The following MCEMP1 variants were observed in gnomAD, a reference collection of about 807,000 sequenced individuals.
MCEMP1 encodes the protein mast cell expressed membrane protein 1.
Under a neutral mutation model 27.9 loss-of-function variants are expected in MCEMP1, and 17 were observed. The ratio of observed to expected loss-of-function variants is 0.61; its 90% confidence interval spans 0.42 to 0.91. The LOEUF (loss-of-function observed/expected upper bound fraction) is 0.91, where lower values mean the gene tolerates loss of function less well. MCEMP1 is among the 40% of genes least tolerant of loss of function. MCEMP1 has a pLI of 0.00. For missense variants in MCEMP1, 200 were observed against 204.8 expected, an observed-to-expected ratio of 0.98 and a Z score of 0.14; for synonymous variants, 88 against 76.9, an observed-to-expected ratio of 1.14 and a Z score of -0.76.
chr19:7,678,353 C>T lies in MCEMP1; in HGVS notation c.287C>T (p.Ala96Val), dbSNP rs1362724914. 6.2e-7 allele frequency: 1 copy of T among 1,613,944 alleles called. No individual in the cohort carries two copies. ...TTTTCCTGCCCCTCCTGAACAGATGCTGAGATGTCCAAGGAGCTGCTGGGC... is the reference window on the plus strand; with the variant it reads ...TTTTCCTGCCCCTCCTGAACAGATGTTGAGATGTCCAAGGAGCTGCTGGGC... ...ILSAFIMVKN[A>V]EMSKELLGFK... is the part of the protein sequence containing the mutation. The change falls in exon 4 of 7, where the codon GCT becomes GTT. Residue 96 changes from alanine (A) to valine (V), a missense_variant. Physicochemically the swap from Ala to Val is moderately conservative, Grantham distance 64. Transcript: ENST00000333598. The surrounding 1 kb of genome is among the most constrained non-coding windows in gnomAD (Gnocchi z 4.8).
At position 7,679,129 on chromosome 19, in the gene MCEMP1, T is replaced by C. The variant is rs2032590558; in HGVS notation, c.*15T>C. On this transcript the variant is annotated 3_prime_UTR_variant, in exon 7 of 7. Transcript: ENST00000333598. This position sits in a 1 kb window ranked among gnomAD's most constrained non-coding sequence, Gnocchi z 4.9. The stretch of plus-strand genomic sequence containing the variant: ...CACCTCAATAAATGAGAGGACATTG[T>C]GGCAGCCAAAGCCACAACTTGGAAG... The C allele has an allele frequency of 6.3e-7, 1 of 1,589,460 alleles. No individual in the cohort carries two copies. The highest frequency in any genetic ancestry group is 1.1e-5 in the South Asian group (1 of 88,250).
chr19:7,679,224 C>T lies in MCEMP1; in HGVS notation c.*110C>T. On this transcript the variant is annotated 3_prime_UTR_variant, in exon 7 of 7. Transcript: ENST00000333598. This position sits in a 1 kb window ranked among gnomAD's most constrained non-coding sequence, Gnocchi z 4.9. Reference sequence around the variant, plus strand: ...CCCAGCCTAGTGTGAACCTGCCCCTCGTCCCACGTATAGAAAAACCTCGAG... The same window carrying T: ...CCCAGCCTAGTGTGAACCTGCCCCTTGTCCCACGTATAGAAAAACCTCGAG... 13 of 1,256,532 alleles carry T rather than the reference C, an allele frequency of 1.0e-5. No individual in the cohort carries two copies. Among genetic ancestry groups the T allele is most frequent in the South Asian group, 3.1e-5 (2 of 64,524 alleles). 77.8% of individuals were successfully genotyped at this position (1,256,532 alleles called of 1,614,324 possible).
chr19:7,678,985 T>A lies in MCEMP1; in HGVS notation c.508+2T>A. The A allele has an allele frequency of 6.3e-7, 1 of 1,591,168 alleles. No homozygotes were observed. Among genetic ancestry groups the A allele is most frequent in the Non-Finnish European group, 8.6e-7 (1 of 1,167,724 alleles). On this transcript the variant is annotated splice_donor_variant, in intron 6 of 6. Coordinates refer to ENST00000333598, the MANE Select transcript of MCEMP1 (RefSeq NM_174918.3). LOFTEE classifies it high-confidence loss of function. This position sits in a 1 kb window ranked among gnomAD's most constrained non-coding sequence, Gnocchi z 4.8. ...TGGAGGTGCTGCAGAAAATGCCACG[T>A]AAGTTGGCGCCCCGACAGGAGGTGG...
rs1037242495 is a variant in MCEMP1 at position 7,679,201 on chromosome 19, C to G, written c.*87C>G. 55 of 1,014,068 alleles carry G rather than the reference C, an allele frequency of 5.4e-5. No homozygotes were observed. Among genetic ancestry groups the G allele is most frequent in the African/African-American group, 7.9e-5 (4 of 50,580 alleles). The allele number at this position is 1,014,068 out of a possible 1,614,324, so 62.8% of individuals were successfully genotyped here. A position where few individuals can be genotyped will look rare whatever the true frequency, so the allele number is the denominator to read the frequency against. On this transcript the variant is annotated 3_prime_UTR_variant, in exon 7 of 7. Coordinates refer to ENST00000333598, the MANE Select transcript of MCEMP1 (RefSeq NM_174918.3). The surrounding 1 kb of genome is among the most constrained non-coding windows in gnomAD (Gnocchi z 4.9). ...AAGACGGGAAATGACCCCCCCCCCCCAGCCTAGTGTGAACCTGCCCCTCGT... is the reference window on the plus strand; with the variant it reads ...AAGACGGGAAATGACCCCCCCCCCCGAGCCTAGTGTGAACCTGCCCCTCGT...
In MCEMP1 at chr19:7,679,069, C is replaced by G; in HGVS notation, c.509-29C>G. ...GCTCCTCTCCCAGGGGCGGGATCTG[C>G]CTCACTGTGGGTCTCTCCCCATCCC... On this transcript the variant is annotated intron_variant, in intron 6 of 6. Coordinates refer to ENST00000333598, the MANE Select transcript of MCEMP1 (RefSeq NM_174918.3). This position sits in a 1 kb window ranked among gnomAD's most constrained non-coding sequence, Gnocchi z 4.9. 6.2e-7 allele frequency: 1 copy of G among 1,608,032 alleles called. No individual in the cohort carries two copies. Among genetic ancestry groups the G allele is most frequent in the East Asian group, 2.2e-5 (1 of 44,868 alleles).
At position 7,677,905 on chromosome 19, in the gene MCEMP1, G is replaced by A. The variant is rs1341704129; in HGVS notation, c.145+179G>A. On this transcript the variant is annotated intron_variant, in intron 2 of 6. Transcript: ENST00000333598. This position sits in a 1 kb window ranked among gnomAD's most constrained non-coding sequence, Gnocchi z 4.6. ...GACAATGTTGGGGAATGCTGGAGAGGGGGTCTGTGATGGTGACGGTGTTAG... is the reference window on the plus strand; with the variant it reads ...GACAATGTTGGGGAATGCTGGAGAGAGGGTCTGTGATGGTGACGGTGTTAG... The A allele has an allele frequency of 7.7e-6, 8 of 1,043,138 alleles. No individual in the cohort carries two copies. Among genetic ancestry groups the A allele is most frequent in the Non-Finnish European group, 1.1e-5 (8 of 706,672 alleles). The allele number at this position is 1,043,138 out of a possible 1,614,324, so 64.6% of individuals were successfully genotyped here.
chr19:7,677,647 C>T lies in MCEMP1; in HGVS notation c.66C>T (p.Asp22=). The change falls in exon 2 of 7, where the codon GAC becomes GAT. Residue 22 remains aspartate (D), a synonymous_variant. Transcript: ENST00000333598. The surrounding 1 kb of genome is among the most constrained non-coding windows in gnomAD (Gnocchi z 4.6). ...GVSAKNQGAH[D]PDYENITLAF... is the part of the protein sequence containing the mutation. Reference sequence around the variant, plus strand: ...TCCAACCCCTCCCAGGTGCCCATGACCCAGACTATGAGAATATCACCTTGG... The same window carrying T: ...TCCAACCCCTCCCAGGTGCCCATGATCCAGACTATGAGAATATCACCTTGG... The T allele has an allele frequency of 6.2e-7, 1 of 1,613,972 alleles. No homozygotes were observed.
rs189829428 is a variant in MCEMP1, at chr19:7,677,447, G to A, written c.56-190G>A. 2.8e-5 allele frequency among the ~76,000 whole-genome samples: 4 copies of A among 142,478 alleles called. No homozygotes were observed. Among genetic ancestry groups the A allele is most frequent in the Non-Finnish European group, 6.2e-5 (4 of 64,678 alleles). 93.5% of individuals were successfully genotyped at this position (142,478 alleles called of 152,430 possible). On this transcript the variant is annotated intron_variant, in intron 1 of 6. Coordinates refer to ENST00000333598, the MANE Select transcript of MCEMP1 (RefSeq NM_174918.3). This position sits in a 1 kb window ranked among gnomAD's most constrained non-coding sequence, Gnocchi z 4.6. ...CTCCAAGATGTGTGGATGTGTGTGT[G>A]GATGTGTGTGTGGTGTGATCACTCA... is the stretch of plus-strand genomic sequence containing the variant.
In MCEMP1 at chr19:7,678,468, A is replaced by G; in HGVS notation, c.335-23A>G. 6.2e-7 allele frequency: 1 copy of G among 1,613,128 alleles called. No homozygotes were observed. Among genetic ancestry groups the G allele is most frequent in the Non-Finnish European group, 8.5e-7 (1 of 1,179,174 alleles). Reference sequence around the variant, plus strand: ...GGTCTGGAGAGGGATGGATGCACAGACACCCCTGTTTCATGCCCTCAGTCT... The same window carrying G: ...GGTCTGGAGAGGGATGGATGCACAGGCACCCCTGTTTCATGCCCTCAGTCT... On this transcript the variant is annotated intron_variant, in intron 4 of 6. Coordinates refer to ENST00000333598, the MANE Select transcript of MCEMP1 (RefSeq NM_174918.3). The surrounding 1 kb of genome is among the most constrained non-coding windows in gnomAD (Gnocchi z 4.8).
At position 7,679,312 on chromosome 19, in the gene MCEMP1, G is replaced by T. The variant is rs565627471; in HGVS notation, c.*198G>T. 1.9e-5 allele frequency: 12 copies of T among 645,556 alleles called. No homozygotes were observed. The highest frequency in any genetic ancestry group is 3.2e-5 in the Admixed American group (1 of 31,604). The allele number at this position is 645,556 out of a possible 1,614,324, so 40.0% of individuals were successfully genotyped here. On this transcript the variant is annotated 3_prime_UTR_variant, in exon 7 of 7. Coordinates refer to ENST00000333598, the MANE Select transcript of MCEMP1 (RefSeq NM_174918.3). The surrounding 1 kb of genome is among the most constrained non-coding windows in gnomAD (Gnocchi z 4.9). The stretch of plus-strand genomic sequence containing the variant: ...TGTACACCTGCGTGCGTGTGTGTGC[G>T]TGTGTGCGCGTGTGTTCGTGTATGT...
At position 7,677,283 on chromosome 19, in the gene MCEMP1, G is replaced by A; in HGVS notation, c.55+108G>A. ...GCACTTTGGGAGGCTGAGGCGGGAGGATTGCGTGAGCCCTGGAGGTGGAGA... is the reference window on the plus strand; with the variant it reads ...GCACTTTGGGAGGCTGAGGCGGGAGAATTGCGTGAGCCCTGGAGGTGGAGA... On this transcript the variant is annotated intron_variant, in intron 1 of 6. Transcript: ENST00000333598. The surrounding 1 kb of genome is among the most constrained non-coding windows in gnomAD (Gnocchi z 4.6). The A allele has an allele frequency of 1.0e-6, 1 of 974,766 alleles. No homozygotes were observed. Among genetic ancestry groups the A allele is most frequent in the Non-Finnish European group, 1.6e-6 (1 of 638,502 alleles). The allele number at this position is 974,766 out of a possible 1,614,324, so 60.4% of individuals were successfully genotyped here.
Position 7,678,333 on chromosome 19 carries a change from C to G in MCEMP1, c.284-17C>G. On this transcript the variant is annotated splice_polypyrimidine_tract_variant and intron_variant, in intron 3 of 6. Coordinates refer to ENST00000333598, the MANE Select transcript of MCEMP1 (RefSeq NM_174918.3). The surrounding 1 kb of genome is among the most constrained non-coding windows in gnomAD (Gnocchi z 4.8). ...CTCCCTGGGTGCTTCAAGGATTTTC[C>G]TGCCCCTCCTGAACAGATGCTGAGA... 6.2e-7 allele frequency: 1 copy of G among 1,614,016 alleles called. No individual in the cohort carries two copies. Among genetic ancestry groups the G allele is most frequent in the Non-Finnish European group, 8.5e-7 (1 of 1,180,002 alleles).
chr19:7,678,992 GCGCCCCGA>G lies in MCEMP1; in HGVS notation c.508+11_508+18del, dbSNP rs1568481325. 1.3e-6 allele frequency: 2 copies of G among 1,599,468 alleles called. No individual in the cohort carries two copies. The highest frequency in any genetic ancestry group is 3.4e-5 in the Admixed American group (2 of 57,984). The stretch of plus-strand genomic sequence containing the variant: ...GCTGCAGAAAATGCCACGTAAGTTG[GCGCCCCGA>G]CAGGAGGTGGAGGAGGGTGGGTGGG... On this transcript the variant is annotated intron_variant, in intron 6 of 6. Coordinates refer to ENST00000333598, the MANE Select transcript of MCEMP1 (RefSeq NM_174918.3). The surrounding 1 kb of genome is among the most constrained non-coding windows in gnomAD (Gnocchi z 4.8).
chr19:7,679,280 G>A lies in MCEMP1; in HGVS notation c.*166G>A, dbSNP rs2032594605. 4 of 852,590 alleles carry A rather than the reference G, an allele frequency of 4.7e-6. No homozygotes were observed. Among genetic ancestry groups the A allele is most frequent in the Non-Finnish European group, 7.2e-6 (4 of 555,776 alleles). The allele number at this position is 852,590 out of a possible 1,614,324, so 52.8% of individuals were successfully genotyped here. ...GTGAATGAGTGTCTCGGAGTTGCTCGTGTGTGTGTACACCTGCGTGCGTGT... is the reference window on the plus strand; with the variant it reads ...GTGAATGAGTGTCTCGGAGTTGCTCATGTGTGTGTACACCTGCGTGCGTGT... On this transcript the variant is annotated 3_prime_UTR_variant, in exon 7 of 7. Coordinates refer to ENST00000333598, the MANE Select transcript of MCEMP1 (RefSeq NM_174918.3). The surrounding 1 kb of genome is among the most constrained non-coding windows in gnomAD (Gnocchi z 4.9).
Position 7,678,716 on chromosome 19 carries a change from C to A in MCEMP1, c.448+112C>A, listed in dbSNP as rs2146255067. 8.2e-7 allele frequency: 1 copy of A among 1,224,028 alleles called. No homozygotes were observed. The highest frequency in any genetic ancestry group is 1.2e-6 in the Non-Finnish European group (1 of 853,658). 75.8% of individuals were successfully genotyped at this position (1,224,028 alleles called of 1,614,324 possible). A position where few individuals can be genotyped will look rare whatever the true frequency, so the allele number is the denominator to read the frequency against. On this transcript the variant is annotated intron_variant, in intron 5 of 6. Coordinates refer to ENST00000333598, the MANE Select transcript of MCEMP1 (RefSeq NM_174918.3). The surrounding 1 kb of genome is among the most constrained non-coding windows in gnomAD (Gnocchi z 4.8). ...AAGCCGGGGTCCTACCCTCCCAAAG[C>A]TCAAGTTGTGGAGGGGCGATGGGTG...
rs2032570225 is a variant in MCEMP1 at position 7,677,822 on chromosome 19, A to G, written c.145+96A>G. 1 of 1,242,234 alleles carries G rather than the reference A, an allele frequency of 8.1e-7. No homozygotes were observed. The highest frequency in any genetic ancestry group is 1.5e-5 in the African/African-American group (1 of 65,958). 77.0% of individuals were successfully genotyped at this position (1,242,234 alleles called of 1,614,324 possible). A position where few individuals can be genotyped will look rare whatever the true frequency, so the allele number is the denominator to read the frequency against. ...CCCCGGGGCTGCGTGGAAGGGAGGA[A>G]GCGATGGGGAAGGAAGAGGTGACAG... On this transcript the variant is annotated intron_variant, in intron 2 of 6. Transcript: ENST00000333598. The surrounding 1 kb of genome is among the most constrained non-coding windows in gnomAD (Gnocchi z 4.6).
chr19:7,678,440 G>A lies in MCEMP1; in HGVS notation c.334+40G>A. On this transcript the variant is annotated intron_variant, in intron 4 of 6. Transcript: ENST00000333598. This position sits in a 1 kb window ranked among gnomAD's most constrained non-coding sequence, Gnocchi z 4.8. ...TGAGGGAGACCCGTGGGGTCATGGT[G>A]GGGGTCTGGAGAGGGATGGATGCAC... 1 of 1,613,976 alleles carries A rather than the reference G, an allele frequency of 6.2e-7. No individual in the cohort carries two copies. Among genetic ancestry groups the A allele is most frequent in the Middle Eastern group, 1.6e-4 (1 of 6,062 alleles).
rs2032570841 is a variant in MCEMP1 at position 7,677,884 on chromosome 19, A to G, written c.145+158A>G. 9.9e-7 allele frequency: 1 copy of G among 1,006,814 alleles called. No individual in the cohort carries two copies. Among genetic ancestry groups the G allele is most frequent in the Non-Finnish European group, 1.5e-6 (1 of 673,342 alleles). 62.4% of individuals were successfully genotyped at this position (1,006,814 alleles called of 1,614,324 possible). A position where few individuals can be genotyped will look rare whatever the true frequency, so the allele number is the denominator to read the frequency against. On this transcript the variant is annotated intron_variant, in intron 2 of 6. Transcript: ENST00000333598. This position sits in a 1 kb window ranked among gnomAD's most constrained non-coding sequence, Gnocchi z 4.6. Reference sequence around the variant, plus strand: ...CTAATGAGGTCTGTTGATGATGACAATGTTGGGGAATGCTGGAGAGGGGGT... The same window carrying G: ...CTAATGAGGTCTGTTGATGATGACAGTGTTGGGGAATGCTGGAGAGGGGGT...
At position 7,678,831 on chromosome 19, in the gene MCEMP1, A is replaced by AG. The variant is rs35765780; in HGVS notation, c.449-86dup. 4.4e-3 allele frequency: 5,695 copies of AG among 1,305,112 alleles called. 183 individuals carry two copies. In the Admixed American group the frequency reaches 0.084, roughly 19 times the overall value. The allele number at this position is 1,305,112 out of a possible 1,614,324, so 80.8% of individuals were successfully genotyped here. A position where few individuals can be genotyped will look rare whatever the true frequency, so the allele number is the denominator to read the frequency against. The stretch of plus-strand genomic sequence containing the variant: ...CTGTACCCCAGGGTGGGTGTGGGGC[A>AG]GGGGGGGTGCTTCCAAGGAAGGTGG... On this transcript the variant is annotated intron_variant, in intron 5 of 6. Transcript: ENST00000333598. This position sits in a 1 kb window ranked among gnomAD's most constrained non-coding sequence, Gnocchi z 4.8.
Sources: gnomAD v4.1 joint callset for allele counts (sites outside exome capture counted in the v4.1 genomes callset) on GRCh38, gnomAD v4.1.1 for gene constraint, Gnocchi (gnomAD v3.1) non-coding constraint, MANE v1.5 for transcripts, NCBI Gene and HGNC (gene_info 2026-07-23, HGNC 2026-07-21) for gene names.